Variants in EXT2 observed in about 807,000 individuals in gnomAD.
EXT2 encodes exostosin-2.
Under a neutral mutation model 81.6 loss-of-function variants are expected in EXT2, and 53 were observed. That is an observed-to-expected ratio of 0.65 (90% CI 0.52 to 0.82). The LOEUF is 0.82. Among genes scored for constraint, EXT2 ranks in the 40% least tolerant of loss-of-function variants. EXT2 has a pLI of 0.00. For synonymous variants in EXT2, 320 were observed against 340.0 expected (o/e 0.94, Z 0.65); for missense variants, 774 against 910.2 (o/e 0.85, Z 1.93).
Position 44,108,088 on chromosome 11 carries a change from A to G in EXT2, c.376A>G (p.Ile126Val), listed in dbSNP as rs1355378570. Residue 126 changes from isoleucine (I) to valine (V), a missense_variant, in exon 2 of 14, where the codon ATC (isoleucine) becomes GTC (valine). Ile to Val is a conservative substitution (Grantham distance 29). Coordinates refer to ENST00000533608, the MANE Select transcript of EXT2 (RefSeq NM_207122.2). ...DDFGVSVSNT[I>V]SREYNELLMA... ...CTTTGGCGTCTCTGTCAGCAACACC[A>G]TCTCCCGGGAGTATAATGAACTGCT... 12 of 1,614,070 alleles carry G rather than the reference A, an allele frequency of 7.4e-6. No individual in the cohort carries two copies. The highest frequency in any genetic ancestry group is 6.7e-5 in the Admixed American group (4 of 60,000).
In EXT2 at chr11:44,220,986, G is replaced by A. The variant is rs1955775154; in HGVS notation, c.1663-11367G>A. On this transcript the variant is annotated intron_variant, in intron 10 of 13. Coordinates refer to ENST00000533608, the MANE Select transcript of EXT2 (RefSeq NM_207122.2). This position sits in a 1 kb window ranked among gnomAD's most constrained non-coding sequence, Gnocchi z 4.4. Reference sequence around the variant, plus strand: ...TCTGATCATTGAAAAAAAGCACCTAGTTGGGAATTACAAGAGAGTGGCACT... The same window carrying A: ...TCTGATCATTGAAAAAAAGCACCTAATTGGGAATTACAAGAGAGTGGCACT... Among the ~76,000 whole-genome samples the A allele has an allele frequency of 6.6e-6, 1 of 152,212 alleles. No homozygotes were observed. Among genetic ancestry groups the A allele is most frequent in the South Asian group, 2.1e-4 (1 of 4,836 alleles).
At chr11:44,235,618 G>A (rs948485460) in intron 12 of EXT2, among the ~76,000 whole-genome samples, 1 of 152,130 alleles carries the variant, frequency 6.6e-6, no homozygotes, top group Non-Finnish European at 1.5e-5. Flanking sequence ...AATGCCCAGT[G>A]TCTCTATGCT....
At chr11:44,102,104 A>G (rs1433660473) in intron 1 of EXT2, among the ~76,000 whole-genome samples, 1 of 152,070 alleles carries the variant, frequency 6.6e-6, no homozygotes, top group Non-Finnish European at 1.5e-5. Flanking sequence ...CTCTTTCGGG[A>G]AAGATCTTGC....
intron 7 of EXT2, among the ~76,000 whole-genome samples, chr11:44,143,331 G>C (rs921152853): frequency 1.3e-5 from 2 of 152,202 alleles, no homozygotes; most frequent in African/African-American, 4.8e-5. Context: ...ACTTTTAACT[G>C]TGAGATGTGA....
At chr11:44,125,547 G>T (rs1012045725) in intron 5 of EXT2, among the ~76,000 whole-genome samples, 1 of 152,120 alleles carries the variant, frequency 6.6e-6, no homozygotes, top group African/African-American at 2.4e-5. Flanking sequence ...GTCTCTTTGG[G>T]GATGTTTTAT....
At chr11:44,190,519 T>G (rs1047982871) in intron 8 of EXT2, among the ~76,000 whole-genome samples, 5 of 152,198 alleles carry the variant, frequency 3.3e-5, no homozygotes, top group African/African-American at 9.6e-5. Flanking sequence ...TTCATTTAAA[T>G]CAGATATAGG....
intron 8 of EXT2, among the ~76,000 whole-genome samples, chr11:44,176,329 A>G (rs933315763): frequency 2.0e-5 from 3 of 152,200 alleles, no homozygotes; most frequent in Admixed American, 2.0e-4. Context: ...AAAATAGAAT[A>G]TGAAATTTTG....
intron 10 of EXT2, among the ~76,000 whole-genome samples, chr11:44,223,865 A>G (rs112312139): frequency 0.023 from 3,444 of 152,078 alleles, 55 homozygotes; most frequent in Non-Finnish European, 0.034. Context: ...GTTACCCAGG[A>G]TAGTCTCGAT....
intron 8 of EXT2, among the ~76,000 whole-genome samples, chr11:44,192,447 C>G (rs1955404950): frequency 6.6e-6 from 1 of 152,024 alleles, no homozygotes; most frequent in Non-Finnish European, 1.5e-5. Flanking sequence ...AACACTATAC[C>G]AGGCTTATAG....
In EXT2 at chr11:44,251,302, T is replaced by C. The variant is rs886898355; in HGVS notation, c.*7015T>C. On this transcript the variant is annotated 3_prime_UTR_variant, in exon 14 of 14. Transcript: ENST00000533608. ...GATTGATGCTCTTTCAACTCTCATG[T>C]CATCTATACCATCTCAGTGGAGAGG... Among the ~76,000 whole-genome samples, 5 of 152,238 alleles carry C rather than the reference T, an allele frequency of 3.3e-5. No homozygotes were observed. Among genetic ancestry groups the C allele is most frequent in the Non-Finnish European group, 7.3e-5 (5 of 68,050 alleles).
intron 6 of EXT2, among the ~76,000 whole-genome samples, chr11:44,129,135 C>G (rs1197970049): frequency 6.6e-6 from 1 of 152,206 alleles, no homozygotes; most frequent in Non-Finnish European, 1.5e-5. Flanking sequence ...ATCAAGTCTT[C>G]CCTCATCTGC....
chr11:44,240,049 G>T (rs1206984827), intron 13 of EXT2, among the ~76,000 whole-genome samples: 5 of 152,078 alleles, frequency 3.3e-5, no homozygotes, highest in African/African-American at 1.2e-4. Flanking sequence ...GCATTGTTTA[G>T]GGAAAAATGA....
At chr11:44,146,455 A>T (rs1954718694) in intron 7 of EXT2, among the ~76,000 whole-genome samples, 1 of 152,190 alleles carries the variant, frequency 6.6e-6, no homozygotes, top group South Asian at 2.1e-4. Context: ...TCCTAACTCC[A>T]TTCTCAACAC....
chr11:44,162,309 C>T (rs1954937834), intron 7 of EXT2, among the ~76,000 whole-genome samples: 4 of 152,170 alleles, frequency 2.6e-5, no homozygotes. Context: ...GGCTCAGTGG[C>T]TCATGCCTGT....
At chr11:44,178,685 A>G (rs911783795) in intron 8 of EXT2, among the ~76,000 whole-genome samples, 2 of 152,164 alleles carry the variant, frequency 1.3e-5, no homozygotes, top group Admixed American at 6.5e-5. Context: ...GTGTAACTCA[A>G]CTCAGCACCC....
chr11:44,232,072 G>T (rs1440435493), intron 10 of EXT2, among the ~76,000 whole-genome samples: 1 of 152,044 alleles, frequency 6.6e-6, no homozygotes, highest in Non-Finnish European at 1.5e-5. Flanking sequence ...TTAAGAGATT[G>T]CCTACCTTGG....
At chr11:44,222,698 A>T (rs1368515254) in intron 10 of EXT2, among the ~76,000 whole-genome samples, 12 of 152,224 alleles carry the variant, frequency 7.9e-5, no homozygotes, top group Admixed American at 6.5e-4. Context: ...AAAAAGGAGA[A>T]AGTCTTCAGA....
At chr11:44,201,265 G>A (rs1485941246) in intron 9 of EXT2, among the ~76,000 whole-genome samples, 2 of 152,116 alleles carry the variant, frequency 1.3e-5, no homozygotes, top group Non-Finnish European at 2.9e-5. Flanking sequence ...TGCATTCTAG[G>A]GGTCACCCCA....
chr11:44,175,322 G>A (rs953428819), intron 8 of EXT2, among the ~76,000 whole-genome samples: 50 of 151,986 alleles, frequency 3.3e-4, no homozygotes, highest in African/African-American at 1.1e-3. Context: ...TGGTATTGGC[G>A]TCCAAACTCA....
Sources: allele counts gnomAD v4.1 joint callset (sites outside exome capture counted in the v4.1 genomes callset), GRCh38; gene constraint gnomAD v4.1.1; non-coding constraint Gnocchi (gnomAD v3.1); transcripts MANE v1.5; gene names NCBI Gene and HGNC (gene_info 2026-07-23, HGNC 2026-07-21).